The following FBXO10 variants were observed in gnomAD, a reference collection of about 807,000 sequenced individuals.
The protein encoded by FBXO10 is F-box only protein 10.
FBXO10 carries 39 observed loss-of-function variants against 80.7 expected under a neutral mutation model. That is an observed-to-expected ratio of 0.48 (90% CI 0.37 to 0.63). The LOEUF is 0.63. FBXO10 is among the 30% of genes least tolerant of loss of function. The probability of loss-of-function intolerance (pLI) is 0.00; values close to 1 mark genes in which losing one functional copy is unlikely to be tolerated. For synonymous variants in FBXO10, 449 were observed against 489.6 expected (o/e 0.92, Z 1.09); for missense variants, 1,025 against 1,269.0 (o/e 0.81, Z 2.92).
chr9:37,529,969 C>T lies in FBXO10; in HGVS notation c.1570-709G>A, dbSNP rs1192853849. ...GATTACAGGTGTGAGCCACCACACC[C>T]GGCAAGATATTCATTTCTAATATCT... On this transcript the variant is annotated intron_variant, in intron 4 of 10. Transcript: ENST00000432825. 1.4e-4 allele frequency among the ~76,000 whole-genome samples: 21 copies of T among 152,030 alleles called. 1 individual carries two copies. The South Asian group carries it at 2.1e-3, about 15-fold the overall frequency.
chr9:37,512,964 C>T (rs1449529004), intron 10 of FBXO10, among the ~76,000 whole-genome samples: 2 of 152,182 alleles, frequency 1.3e-5, no homozygotes, highest in Non-Finnish European at 2.9e-5. Flanking sequence ...GGACAAGGTC[C>T]CTCTGTAGGC....
intron 1 of FBXO10, among the ~76,000 whole-genome samples, chr9:37,562,077 G>A (rs1822497182): frequency 6.6e-6 from 1 of 152,192 alleles, no homozygotes; most frequent in Non-Finnish European, 1.5e-5. Context: ...CACCTGTGAG[G>A]CACTGGAAGG....
chr9:37,571,749 T>TATATATA (rs1554649990), intron 1 of FBXO10, among the ~76,000 whole-genome samples: 1 of 66,646 alleles, frequency 1.5e-5, no homozygotes, highest in Admixed American at 1.4e-4. Context: ...ATATATATAT[T>TATATATA]TCCTTATTGA....
At chr9:37,557,497 C>A (rs559434028) in intron 1 of FBXO10, among the ~76,000 whole-genome samples, 2 of 152,332 alleles carry the variant, frequency 1.3e-5, no homozygotes, top group South Asian at 2.1e-4. Flanking sequence ...TCAGTTAGGA[C>A]CTCTCCTCCA....
intron 3 of FBXO10, among the ~76,000 whole-genome samples, chr9:37,532,976 T>C (rs1473758091): frequency 6.6e-6 from 1 of 152,238 alleles, no homozygotes; most frequent in Admixed American, 6.5e-5. Context: ...CAAAGGCCTG[T>C]TCTTGCACAT....
chr9:37,564,359 G>C (rs1822554485), intron 1 of FBXO10, among the ~76,000 whole-genome samples: 1 of 152,094 alleles, frequency 6.6e-6, no homozygotes, highest in Non-Finnish European at 1.5e-5. Context: ...TGTGGGGTCG[G>C]GGCCCCCACA....
intron 1 of FBXO10, among the ~76,000 whole-genome samples, chr9:37,572,703 G>T (rs543619395): frequency 1.3e-5 from 2 of 152,314 alleles, no homozygotes; most frequent in East Asian, 3.9e-4. Context: ...AGGAAATTAT[G>T]ATTTGGAAGC....
At chr9:37,573,510 C>T (rs559607574) in intron 1 of FBXO10, among the ~76,000 whole-genome samples, 9 of 152,302 alleles carry the variant, frequency 5.9e-5, no homozygotes, top group Middle Eastern at 3.4e-3. Context: ...TAGGACAGCT[C>T]TTCAACAGTT....
chr9:37,558,841 G>A (rs1482282592), intron 1 of FBXO10, among the ~76,000 whole-genome samples: 6 of 149,318 alleles, frequency 4.0e-5, no homozygotes, highest in Admixed American at 1.3e-4. Context: ...ATGGAGTTTC[G>A]CTCTTGTTGC....
At chr9:37,540,869 T>C (rs1231024878) in intron 2 of FBXO10, among the ~76,000 whole-genome samples, 1 of 152,180 alleles carries the variant, frequency 6.6e-6, no homozygotes, top group East Asian at 1.9e-4. Context: ...GTGGCATGCT[T>C]CCAGAACCTG....
chr9:37,575,180 CAG>C (rs1178983515), intron 1 of FBXO10, among the ~76,000 whole-genome samples: 1 of 152,050 alleles, frequency 6.6e-6, no homozygotes, highest in Non-Finnish European at 1.5e-5. Flanking sequence ...TCTCTCCCCT[CAG>C]AGGGAATCTG....
At chr9:37,536,606 C>A (rs1821772163) in intron 3 of FBXO10, among the ~76,000 whole-genome samples, 1 of 152,164 alleles carries the variant, frequency 6.6e-6, no homozygotes, top group Non-Finnish European at 1.5e-5. Context: ...CACACCCAGG[C>A]TCTGGCGTAG....
intron 4 of FBXO10, among the ~76,000 whole-genome samples, chr9:37,530,238 A>T (rs1346541419): frequency 6.6e-6 from 1 of 152,244 alleles, no homozygotes; most frequent in Non-Finnish European, 1.5e-5. Context: ...CGCAGAAATA[A>T]AGTTCTAGTT....
intron 6 of FBXO10, among the ~76,000 whole-genome samples, chr9:37,523,415 G>A (rs755116799): frequency 6.6e-6 from 1 of 151,958 alleles, no homozygotes; most frequent in Non-Finnish European, 1.5e-5. Context: ...TTAGCCAGGT[G>A]TGGTGGTGCG....
chr9:37,556,646 C>G (rs1400298310), intron 1 of FBXO10, among the ~76,000 whole-genome samples: 1 of 148,500 alleles, frequency 6.7e-6, no homozygotes, highest in African/African-American at 2.5e-5. Context: ...TGAGTTCAAG[C>G]CATTCTCCTA....
intron 1 of FBXO10, among the ~76,000 whole-genome samples, chr9:37,543,815 C>A (rs1457803825): frequency 1.3e-5 from 2 of 152,152 alleles, no homozygotes; most frequent in African/African-American, 4.8e-5. Context: ...AGTCTGAAAC[C>A]CAAGTCTCTA....
intron 1 of FBXO10, among the ~76,000 whole-genome samples, chr9:37,560,068 A>G (rs1822440650): frequency 6.6e-6 from 1 of 152,088 alleles, no homozygotes; most frequent in African/African-American, 2.4e-5. Context: ...CCTCTTTCAC[A>G]AGTTGCATGA....
intron 1 of FBXO10, among the ~76,000 whole-genome samples, chr9:37,573,822 ATTCCT>A (rs1244465633): frequency 6.6e-6 from 1 of 152,260 alleles, no homozygotes. Context: ...CTTTGTGTAC[ATTCCT>A]TTATGTATAC....
At chr9:37,545,114 G>A (rs984227442) in intron 1 of FBXO10, among the ~76,000 whole-genome samples, 2 of 151,064 alleles carry the variant, frequency 1.3e-5, no homozygotes, top group South Asian at 2.1e-4. Flanking sequence ...TATTTATGGC[G>A]GCTTCTATGA....
Sources: gnomAD v4.1 joint callset for allele counts (sites outside exome capture counted in the v4.1 genomes callset) on GRCh38, gnomAD v4.1.1 for gene constraint, MANE v1.5 for transcripts, NCBI Gene and HGNC (gene_info 2026-07-23, HGNC 2026-07-21) for gene names.